The following MAPKBP1 variants were observed in gnomAD, a reference collection of about 807,000 sequenced individuals.
MAPKBP1 encodes the protein mitogen-activated protein kinase binding protein 1, also known as mitogen-activated protein kinase-binding protein 1.
A neutral mutation model predicts 170.5 loss-of-function variants in MAPKBP1; 71 were observed. The observed-to-expected ratio is 0.42, with a 90% CI of 0.34 to 0.51. The LOEUF is 0.51. MAPKBP1 is among the 20% of genes least tolerant of loss of function. MAPKBP1 has a pLI of 0.06. For missense variants in MAPKBP1, 1,598 were observed against 1,933.0 expected, an observed-to-expected ratio of 0.83 and a Z score of 3.25; for synonymous variants, 719 against 757.9, an observed-to-expected ratio of 0.95 and a Z score of 0.84.
intron 2 of MAPKBP1, among the ~76,000 whole-genome samples, chr15:41,795,951 G>A (rs137855404): frequency 6.6e-6 from 1 of 152,178 alleles, no homozygotes; most frequent in Non-Finnish European, 1.5e-5. Flanking sequence ...CTACCATGTG[G>A]AGAAAAGACT....
chr15:41,821,288 T>C, intron 23 of MAPKBP1: 1 of 620,476 alleles, frequency 1.6e-6, no homozygotes, highest in South Asian at 2.0e-5. Flanking sequence ...AAAGTGGCCT[T>C]TGCCCTGGGC....
At chr15:41,792,801 C>T (rs1044245014) in intron 2 of MAPKBP1, among the ~76,000 whole-genome samples, 15 of 152,168 alleles carry the variant, frequency 9.9e-5, no homozygotes, top group African/African-American at 2.9e-4. Flanking sequence ...GTAATTTTCT[C>T]GCAGGGCCTC....
chr15:41,819,562 A>C, intron 21 of MAPKBP1, 33 bp from the exon 22 acceptor site: 3 of 1,364,746 alleles, frequency 2.2e-6, no homozygotes, highest in Non-Finnish European at 3.1e-6. Flanking sequence ...GGGGGGCAGG[A>C]GACACTTCCT....
At chr15:41,816,728 G>T (rs144394270) in intron 13 of MAPKBP1, 78 bp downstream of exon 13, 178 of 1,470,848 alleles carry the variant, frequency 1.2e-4, no homozygotes, top group Non-Finnish European at 1.6e-4. Context: ...GCTCTTGGAC[G>T]TGGGGTCGGT....
At chr15:41,786,777 A>ATATATATATATATATATAT (rs1555448144) in intron 2 of MAPKBP1, among the ~76,000 whole-genome samples, 8 of 32,440 alleles carry the variant, frequency 2.5e-4, no homozygotes, top group African/African-American at 9.2e-4. Flanking sequence ...AAAAAAAAAA[A>ATATATATATATATATATAT]ATATATATAT....
chr15:41,806,996 G>C (rs1244758041), intron 3 of MAPKBP1, among the ~76,000 whole-genome samples: 2 of 152,214 alleles, frequency 1.3e-5, no homozygotes, highest in Admixed American at 6.5e-5. Flanking sequence ...TGCGACCGTG[G>C]TTGCATGCTG....
intron 2 of MAPKBP1, among the ~76,000 whole-genome samples, chr15:41,794,935 C>T (rs961069983): frequency 4.6e-5 from 7 of 151,982 alleles, no homozygotes; most frequent in Admixed American, 1.3e-4. Flanking sequence ...GAGGCCGAGG[C>T]GGGCAGATCA....
chr15:41,786,472 ATATCTGG>A (rs1412815229), intron 2 of MAPKBP1, among the ~76,000 whole-genome samples: 1 of 152,074 alleles, frequency 6.6e-6, no homozygotes, highest in Non-Finnish European at 1.5e-5. Context: ...ATTGAAAAAT[ATATCTGG>A]TATAGCCGGG....
chr15:41,788,494 G>C (rs1185482675), intron 2 of MAPKBP1, among the ~76,000 whole-genome samples: 1 of 152,172 alleles, frequency 6.6e-6, no homozygotes, highest in African/African-American at 2.4e-5. Context: ...TGCTGTAAGA[G>C]TACGGAGGAG....
At chr15:41,785,958 A>T (rs968273095) in intron 2 of MAPKBP1, among the ~76,000 whole-genome samples, 3 of 152,230 alleles carry the variant, frequency 2.0e-5, no homozygotes, top group African/African-American at 2.4e-5. Flanking sequence ...GGTGTTATTC[A>T]TAAGAGTGAA....
chr15:41,803,051 A>G (rs1289159953), intron 3 of MAPKBP1, among the ~76,000 whole-genome samples: 4 of 152,176 alleles, frequency 2.6e-5, no homozygotes, highest in Admixed American at 1.3e-4. Flanking sequence ...TAAGCACTTT[A>G]TATGAATTAT....
chr15:41,816,950 C>T lies in MAPKBP1; in HGVS notation c.1626C>T (p.Ile542=). ...LLASASRDRL[I]HVLDAGREYS... Reference sequence around the variant, plus strand: ...CATCGGCGAGCCGGGACCGGCTGATCCATGTGCTGGATGCCGGGCGGGAGT... The same window carrying T: ...CATCGGCGAGCCGGGACCGGCTGATTCATGTGCTGGATGCCGGGCGGGAGT... The change falls in exon 14 of 31, where the codon ATC becomes ATT. Residue 542 remains isoleucine (I), a synonymous_variant. Transcript: ENST00000457542. 6.2e-7 allele frequency: 1 copy of T among 1,612,614 alleles called. No individual in the cohort carries two copies. The highest frequency in any genetic ancestry group is 8.5e-7 in the Non-Finnish European group (1 of 1,179,044).
At chr15:41,790,447 T>C (rs1392519427) in intron 2 of MAPKBP1, among the ~76,000 whole-genome samples, 2 of 152,198 alleles carry the variant, frequency 1.3e-5, no homozygotes, top group Non-Finnish European at 2.9e-5. Flanking sequence ...TTGGGTACTT[T>C]GTTGACTGGC....
In MAPKBP1 at chr15:41,776,253, A is replaced by G. The variant is rs138494686; in HGVS notation, c.114+864A>G. Reference sequence around the variant, plus strand: ...AAACCCAATAGGGTTGTGAGGTACAAGGTTGTTACAGGGAGAGGCATTTGA... The same window carrying G: ...AAACCCAATAGGGTTGTGAGGTACAGGGTTGTTACAGGGAGAGGCATTTGA... On this transcript the variant is annotated intron_variant, in intron 2 of 30. Transcript: ENST00000457542. 9.2e-5 allele frequency among the ~76,000 whole-genome samples: 14 copies of G among 152,376 alleles called. No individual in the cohort carries two copies. In the East Asian group the frequency reaches 2.7e-3, roughly 29 times the overall value.
rs1341154919 is a variant in MAPKBP1, at chr15:41,788,563, A to G, written c.115-11260A>G. 9.2e-5 allele frequency among the ~76,000 whole-genome samples: 14 copies of G among 152,176 alleles called. 1 individual carries two copies. The highest frequency in any genetic ancestry group is 9.2e-4 in the Admixed American group (14 of 15,272). Reference sequence around the variant, plus strand: ...AGAATCAGAGGGGATGTGACATTTGAGCTGGTCCTCGAAGGAAAGGTAGGA... The same window carrying G: ...AGAATCAGAGGGGATGTGACATTTGGGCTGGTCCTCGAAGGAAAGGTAGGA... On this transcript the variant is annotated intron_variant, in intron 2 of 30. Coordinates refer to ENST00000457542, the MANE Select transcript of MAPKBP1 (RefSeq NM_014994.3).
At chr15:41,808,071 C>T (rs552717304) in intron 3 of MAPKBP1, among the ~76,000 whole-genome samples, 27 of 148,928 alleles carry the variant, frequency 1.8e-4, no homozygotes, top group African/African-American at 5.6e-4. Context: ...TAAATCTGTG[C>T]ACTTTGAACT....
At chr15:41,819,549 G>GGGC (rs1555454036) in intron 21 of MAPKBP1, 46 bp from the exon 22 acceptor site, 102 of 1,448,678 alleles carry the variant, frequency 7.0e-5, no homozygotes, top group Middle Eastern at 5.5e-4. Flanking sequence ...TTGGGTGGCG[G>GGGC]GGGGGGGGCA....
chr15:41,817,921 G>C lies in MAPKBP1; in HGVS notation c.1905-88G>C. 4 of 1,512,818 alleles carry C rather than the reference G, an allele frequency of 2.6e-6. No homozygotes were observed. The allele number at this position is 1,512,818 out of a possible 1,614,324, so 93.7% of individuals were successfully genotyped here. A position where few individuals can be genotyped will look rare whatever the true frequency, so the allele number is the denominator to read the frequency against. On this transcript the variant is annotated intron_variant, in intron 16 of 30. Coordinates refer to ENST00000457542, the MANE Select transcript of MAPKBP1 (RefSeq NM_014994.3). The surrounding 1 kb of genome is among the most constrained non-coding windows in gnomAD (Gnocchi z 4.2). ...CTGGGGGTAGCTCCCAGAGAGTGTA[G>C]ACTGGGAGTGAAAGCTGGCATTTCC...
chr15:41,783,045 A>T lies in MAPKBP1; in HGVS notation c.114+7656A>T, dbSNP rs1176992937. The stretch of plus-strand genomic sequence containing the variant: ...TGTGAATGTCAGGTTGGCAGGGTGC[A>T]GCTGTGTGGTTCCAGATGACCAGAA... On this transcript the variant is annotated intron_variant, in intron 2 of 30. Transcript: ENST00000457542. Among the ~76,000 whole-genome samples the T allele has an allele frequency of 5.3e-5, 8 of 152,180 alleles. No homozygotes were observed. In the South Asian group the frequency reaches 1.7e-3, roughly 32 times the overall value.
Sources: gnomAD v4.1 joint callset for allele counts (sites outside exome capture counted in the v4.1 genomes callset) on GRCh38, gnomAD v4.1.1 for gene constraint, Gnocchi (gnomAD v3.1) non-coding constraint, MANE v1.5 for transcripts, NCBI Gene and HGNC (gene_info 2026-07-23, HGNC 2026-07-21) for gene names.